The following HERPUD2 variants were observed in gnomAD, a reference collection of about 807,000 sequenced individuals.
HERPUD2 encodes the protein HERPUD family member 2, also known as homocysteine-responsive endoplasmic reticulum-resident ubiquitin-like domain member 2 protein.
In HERPUD2, 13 loss-of-function variants were observed where a neutral mutation model predicts 49.9. That is an observed-to-expected ratio of 0.26 (90% CI 0.17 to 0.41). The LOEUF is 0.41. HERPUD2 is among the 10% of genes least tolerant of loss of function. The probability of loss-of-function intolerance (pLI) is 1.00; values close to 1 mark genes in which losing one functional copy is unlikely to be tolerated. For synonymous variants in HERPUD2, 172 were observed against 171.4 expected, an observed-to-expected ratio of 1.00 and a Z score of -0.03; for missense variants, 449 against 492.2, an observed-to-expected ratio of 0.91 and a Z score of 0.83.
At chr7:35,649,876 G>C (rs1785128486) in intron 5 of HERPUD2, among the ~76,000 whole-genome samples, 1 of 152,124 alleles carries the variant, frequency 6.6e-6, no homozygotes, top group African/African-American at 2.4e-5. Flanking sequence ...TTCCAAAAGG[G>C]AAGAGGGTAT....
chr7:35,672,451 T>G (rs1327856746), intron 3 of HERPUD2, among the ~76,000 whole-genome samples: 2 of 152,018 alleles, frequency 1.3e-5, no homozygotes, highest in African/African-American at 2.4e-5. Flanking sequence ...ATATATTTTT[T>G]TAAAGTTTCC....
chr7:35,633,908 A>G (rs1327059699), intron 8 of HERPUD2, 57 bp from the exon 9 acceptor site: 1 of 1,506,330 alleles, frequency 6.6e-7, no homozygotes, highest in Admixed American at 1.9e-5. Flanking sequence ...ATTAGCTCAT[A>G]ATAGAATACA....
chr7:35,654,776 A>G (rs372893762), intron 5 of HERPUD2, among the ~76,000 whole-genome samples: 11 of 151,796 alleles, frequency 7.2e-5, no homozygotes, highest in Non-Finnish European at 1.3e-4. Flanking sequence ...TCTGGGTCCA[A>G]GTGATTCTCA....
chr7:35,673,380 G>A, intron 2 of HERPUD2, 102 bp from the exon 3 acceptor site: 4 of 770,482 alleles, frequency 5.2e-6, no homozygotes, highest in East Asian at 2.6e-5. Context: ...CTCCCTTTAG[G>A]CACAAGTAAG....
intron 5 of HERPUD2, among the ~76,000 whole-genome samples, chr7:35,665,732 C>T (rs536457917): frequency 5.1e-4 from 77 of 152,274 alleles, no homozygotes; most frequent in Non-Finnish European, 9.1e-4. Flanking sequence ...GCCATCTTGG[C>T]GCCACCTATT....
At chr7:35,636,794 G>C (rs768291840) in intron 6 of HERPUD2, among the ~76,000 whole-genome samples, 1 of 152,148 alleles carries the variant, frequency 6.6e-6, no homozygotes, top group Non-Finnish European at 1.5e-5. Flanking sequence ...TGGATATCTG[G>C]GTGGCTGCAG....
At chr7:35,644,455 T>C (rs1394706122) in intron 5 of HERPUD2, among the ~76,000 whole-genome samples, 1 of 151,976 alleles carries the variant, frequency 6.6e-6, no homozygotes, top group Non-Finnish European at 1.5e-5. Context: ...AAAAGGGAAT[T>C]AGATTAGAAA....
chr7:35,659,106 T>C (rs1785352348), intron 5 of HERPUD2, among the ~76,000 whole-genome samples: 1 of 152,194 alleles, frequency 6.6e-6, no homozygotes, highest in Non-Finnish European at 1.5e-5. Flanking sequence ...ATACATAAAT[T>C]TGAAAACAAA....
rs374391090 is a variant in HERPUD2 at position 35,691,629 on chromosome 7, A to G, written c.147+2555T>C. The stretch of plus-strand genomic sequence containing the variant: ...AGGCATATGTGCAAGGAAGATGCAC[A>G]AGAAATTATCTCTGTTAAACATAAC... On this transcript the variant is annotated intron_variant, in intron 2 of 8. Transcript: ENST00000311350. Among the ~76,000 whole-genome samples, 8 of 152,386 alleles carry G rather than the reference A, an allele frequency of 5.2e-5. No individual in the cohort carries two copies. In the East Asian group the frequency reaches 1.2e-3, roughly 22 times the overall value.
chr7:35,652,618 A>T (rs1339483907), intron 5 of HERPUD2, among the ~76,000 whole-genome samples: 1 of 150,726 alleles, frequency 6.6e-6, no homozygotes, highest in African/African-American at 2.4e-5. Context: ...GAAAGGCAGG[A>T]AGGAAAGAAA....
intron 2 of HERPUD2, among the ~76,000 whole-genome samples, chr7:35,690,002 T>A (rs1786144840): frequency 6.6e-6 from 1 of 152,216 alleles, no homozygotes; most frequent in Non-Finnish European, 1.5e-5. Flanking sequence ...TCTAGGATGA[T>A]CCATCTATTA....
chr7:35,683,263 C>G (rs919063204), intron 2 of HERPUD2, among the ~76,000 whole-genome samples: 1 of 152,084 alleles, frequency 6.6e-6, no homozygotes, highest in Non-Finnish European at 1.5e-5. Context: ...CAAAAATAAA[C>G]CCAAATACTT....
chr7:35,645,555 C>T (rs751315311), intron 5 of HERPUD2, among the ~76,000 whole-genome samples: 1 of 152,084 alleles, frequency 6.6e-6, no homozygotes, highest in Non-Finnish European at 1.5e-5. Context: ...TAAGCCCTCA[C>T]TTCCATTGTC....
rs1027590584 is a variant in HERPUD2 at position 35,649,733 on chromosome 7, G to T, written c.495-11261C>A. On this transcript the variant is annotated intron_variant, in intron 5 of 8. Transcript: ENST00000311350. The stretch of plus-strand genomic sequence containing the variant: ...AAAGGAATGTCTGAGTTATGATAAG[G>T]GGTTGTAGAGACCAAAGTTTTATCA... 7.2e-5 allele frequency among the ~76,000 whole-genome samples: 11 copies of T among 152,294 alleles called. No individual in the cohort carries two copies. In the East Asian group the frequency reaches 1.9e-3, roughly 27 times the overall value.
chr7:35,659,113 CAA>C (rs1785352636), intron 5 of HERPUD2, among the ~76,000 whole-genome samples: 2 of 152,284 alleles, frequency 1.3e-5, no homozygotes, highest in South Asian at 4.1e-4. Flanking sequence ...AATTTGAAAA[CAA>C]AGAGCAGAGC....
At chr7:35,684,058 G>T (rs1184146561) in intron 2 of HERPUD2, among the ~76,000 whole-genome samples, 1 of 152,136 alleles carries the variant, frequency 6.6e-6, no homozygotes, top group Non-Finnish European at 1.5e-5. Context: ...CCACTATTGG[G>T]TATCTACCCA....
At chr7:35,650,574 C>A (rs1785143599) in intron 5 of HERPUD2, among the ~76,000 whole-genome samples, 1 of 152,150 alleles carries the variant, frequency 6.6e-6, no homozygotes, top group Non-Finnish European at 1.5e-5. Flanking sequence ...TACCTCACAT[C>A]CCTGGAGCTT....
chr7:35,633,535 G>T lies in HERPUD2; in HGVS notation c.*155C>A. ...CTCAGATATTTAGTAGTCCATTCGTGCTTAAAATATTCATATGCATGAGAA... is the reference window on the plus strand; with the variant it reads ...CTCAGATATTTAGTAGTCCATTCGTTCTTAAAATATTCATATGCATGAGAA... On this transcript the variant is annotated 3_prime_UTR_variant, in exon 9 of 9. Coordinates refer to ENST00000311350, the MANE Select transcript of HERPUD2 (RefSeq NM_022373.5). The T allele has an allele frequency of 2.0e-6, 1 of 506,330 alleles. No homozygotes were observed. Among genetic ancestry groups the T allele is most frequent in the Non-Finnish European group, 3.4e-6 (1 of 293,122 alleles). The allele number at this position is 506,330 out of a possible 1,614,324, so 31.4% of individuals were successfully genotyped here. A position where few individuals can be genotyped will look rare whatever the true frequency, so the allele number is the denominator to read the frequency against.
chr7:35,667,740 A>G, intron 4 of HERPUD2, 152 bp from the exon 5 acceptor site: 1 of 564,076 alleles, frequency 1.8e-6, no homozygotes. Flanking sequence ...GTATAAGTAG[A>G]TATTTTAATT....
Sources: allele counts gnomAD v4.1 joint callset (sites outside exome capture counted in the v4.1 genomes callset), GRCh38; gene constraint gnomAD v4.1.1; transcripts MANE v1.5; gene names NCBI Gene and HGNC (gene_info 2026-07-23, HGNC 2026-07-21).